The following OSBPL6 variants were observed in gnomAD, a reference collection of about 807,000 sequenced individuals.
The protein encoded by OSBPL6 is oxysterol binding protein like 6, also known as oxysterol-binding protein-related protein 6.
A neutral mutation model predicts 125.8 loss-of-function variants in OSBPL6; 49 were observed. That is an observed-to-expected ratio of 0.39 (90% confidence interval 0.31 to 0.49). The LOEUF (loss-of-function observed/expected upper bound fraction) is 0.49, where lower values mean the gene tolerates loss of function less well. OSBPL6 is among the 20% of genes least tolerant of loss of function. OSBPL6 has a pLI of 0.88. For missense variants in OSBPL6, 986 were observed against 1,135.4 expected, an observed-to-expected ratio of 0.87 and a Z score of 1.89; for synonymous variants, 394 against 391.8, an observed-to-expected ratio of 1.01 and a Z score of -0.07.
chr2:178,374,379 T>A (rs528954061), intron 15 of OSBPL6, among the ~76,000 whole-genome samples: 43 of 152,228 alleles, frequency 2.8e-4, no homozygotes, highest in African/African-American at 1.0e-3. Context: ...AATGAGAGAA[T>A]TAGGAAAGCA....
chr2:178,251,035 T>C (rs563887840), intron 1 of OSBPL6, among the ~76,000 whole-genome samples: 2 of 152,300 alleles, frequency 1.3e-5, no homozygotes, highest in African/African-American at 4.8e-5. Flanking sequence ...GGATGTTTCT[T>C]TTCCTGTCCA....
At chr2:178,223,274 T>C (rs557646952) in intron 1 of OSBPL6, among the ~76,000 whole-genome samples, 2 of 152,222 alleles carry the variant, frequency 1.3e-5, no homozygotes, top group Non-Finnish European at 2.9e-5. Context: ...TTTTCTGTAT[T>C]GTGTTGGCCA....
chr2:178,383,985 A>G (rs1694715985), intron 17 of OSBPL6, 54 bp from the exon 18 acceptor site: 2 of 1,580,664 alleles, frequency 1.3e-6, no homozygotes, highest in Non-Finnish European at 1.7e-6. Flanking sequence ...AGGAACAAAC[A>G]GACCCAGCAG....
chr2:178,339,528 G>A (rs12474802), intron 10 of OSBPL6, 144 bp from the exon 11 acceptor site: 14,947 of 456,182 alleles, frequency 0.033, 1,285 homozygotes, highest in East Asian at 0.27. Flanking sequence ...CCCACTATTC[G>A]TCTAATATGC....
Position 178,328,303 on chromosome 2 carries a change from C to A in OSBPL6, c.243C>A (p.Thr81=), listed in dbSNP as rs1688877406. ...EIIEGLKIGQ[T]NVQKPDKHEG... ...TAGAAGGGCTGAAAATAGGCCAAAC[C>A]AATGTCCAGAAACCAGACAAACATG... is the stretch of plus-strand genomic sequence containing the variant. The change falls in exon 5 of 25, where the codon ACC becomes ACA. Residue 81 remains threonine (T), a synonymous_variant. Coordinates refer to ENST00000190611, the MANE Select transcript of OSBPL6 (RefSeq NM_032523.4). 1 of 1,613,760 alleles carries A rather than the reference C, an allele frequency of 6.2e-7. No individual in the cohort carries two copies.
chr2:178,197,469 C>T (rs1382699199), intron 1 of OSBPL6, among the ~76,000 whole-genome samples: 1 of 152,056 alleles, frequency 6.6e-6, no homozygotes, highest in Non-Finnish European at 1.5e-5. Context: ...GTAATTCCCC[C>T]GTTATCCAAA....
chr2:178,263,122 T>G (rs992980197), intron 1 of OSBPL6, among the ~76,000 whole-genome samples: 2 of 152,220 alleles, frequency 1.3e-5, no homozygotes, highest in Admixed American at 1.3e-4. Context: ...TGAGAATTAG[T>G]TCCATGATAG....
At chr2:178,207,640 A>G (rs990727190) in intron 1 of OSBPL6, among the ~76,000 whole-genome samples, 3 of 152,174 alleles carry the variant, frequency 2.0e-5, no homozygotes, top group Non-Finnish European at 4.4e-5. Context: ...TAAATTTGGG[A>G]ACATCTGCAT....
At chr2:178,323,962 GCAGCAGCAGTT>G (rs1175694719) in intron 3 of OSBPL6, among the ~76,000 whole-genome samples, 4 of 152,190 alleles carry the variant, frequency 2.6e-5, no homozygotes, top group African/African-American at 4.8e-5. Flanking sequence ...AACCGGCACT[GCAGCAGCAGTT>G]CAGCAGCAAA....
intron 1 of OSBPL6, among the ~76,000 whole-genome samples, chr2:178,215,389 A>G (rs983869467): frequency 6.6e-6 from 1 of 152,212 alleles, no homozygotes; most frequent in Non-Finnish European, 1.5e-5. Flanking sequence ...TGTCTTCCAC[A>G]GGTGCCTTTT....
At chr2:178,298,168 A>C (rs1036764090) in intron 2 of OSBPL6, among the ~76,000 whole-genome samples, 40 of 152,202 alleles carry the variant, frequency 2.6e-4, no homozygotes, top group African/African-American at 9.2e-4. Context: ...CTTTAAAATG[A>C]TGCCTTCAGG....
intron 1 of OSBPL6, among the ~76,000 whole-genome samples, chr2:178,200,647 A>T (rs959164219): frequency 2.6e-5 from 4 of 152,230 alleles, no homozygotes; most frequent in Middle Eastern, 3.4e-3. Context: ...AGAAATTAGT[A>T]ATATATTTTT....
chr2:178,367,109 C>T (rs1692909514), intron 13 of OSBPL6, among the ~76,000 whole-genome samples: 1 of 152,024 alleles, frequency 6.6e-6, no homozygotes, highest in African/African-American at 2.4e-5. Context: ...AACAAAATAA[C>T]TGCTTATGTG....
At chr2:178,268,911 T>G (rs1035410009) in intron 1 of OSBPL6, among the ~76,000 whole-genome samples, 2 of 152,154 alleles carry the variant, frequency 1.3e-5, no homozygotes, top group Admixed American at 1.3e-4. Context: ...GGCATCCATC[T>G]TTGGACTTTT....
intron 1 of OSBPL6, among the ~76,000 whole-genome samples, chr2:178,215,482 A>G (rs1043040593): frequency 1.3e-5 from 2 of 152,190 alleles, no homozygotes; most frequent in African/African-American, 2.4e-5. Flanking sequence ...AAGGCTTTGC[A>G]TTGGATTGTG....
intron 3 of OSBPL6, among the ~76,000 whole-genome samples, chr2:178,315,465 T>G (rs1400578163): frequency 6.6e-6 from 1 of 152,198 alleles, no homozygotes; most frequent in Non-Finnish European, 1.5e-5. Flanking sequence ...ATATTAAATA[T>G]CATTATCTAT....
chr2:178,339,507 G>A (rs894531519), intron 10 of OSBPL6, among the ~76,000 whole-genome samples, 165 bp from the exon 11 acceptor site: 1 of 152,124 alleles, frequency 6.6e-6, no homozygotes, highest in African/African-American at 2.4e-5. Flanking sequence ...TCTTATCTCT[G>A]CTTTTTAATG....
intron 13 of OSBPL6, among the ~76,000 whole-genome samples, chr2:178,369,768 A>G (rs138089287): frequency 1.5e-3 from 233 of 152,310 alleles, no homozygotes; most frequent in Non-Finnish European, 2.7e-3. Context: ...TAAGAATTTA[A>G]TTTTTTTAAA....
intron 11 of OSBPL6, among the ~76,000 whole-genome samples, chr2:178,344,763 CT>C (rs549636891): frequency 5.3e-5 from 8 of 151,360 alleles, no homozygotes; most frequent in East Asian, 1.9e-4. Flanking sequence ...ATAAATTGTG[CT>C]TTTTTTTGTA....
Sources: allele counts gnomAD v4.1 joint callset (sites outside exome capture counted in the v4.1 genomes callset), GRCh38; gene constraint gnomAD v4.1.1; transcripts MANE v1.5; gene names NCBI Gene and HGNC (gene_info 2026-07-23, HGNC 2026-07-21).